KCNG2: variants seen among roughly 807,000 people sequenced by gnomAD.
The protein encoded by KCNG2 is voltage-gated potassium channel regulatory subunit KCNG2.
Under a neutral mutation model 12.3 loss-of-function variants are expected in KCNG2, and 7 were observed. The ratio of observed to expected loss-of-function variants is 0.57; its 90% CI spans 0.32 to 1.07. The LOEUF is 1.07. Ranked by LOEUF, KCNG2 falls within the 50% of genes least tolerant of loss-of-function variation. KCNG2 has a pLI of 0.04. For synonymous variants in KCNG2, 414 were observed against 351.4 expected (o/e 1.18, Z -1.99); for missense variants, 703 against 726.0 (o/e 0.97, Z 0.36).
intron 1 of KCNG2, among the ~76,000 whole-genome samples, chr18:79,849,422 C>G (rs1169447987): frequency 2.6e-5 from 4 of 152,202 alleles, no homozygotes; most frequent in African/African-American, 4.8e-5. Flanking sequence ...CCCATCTGAC[C>G]CCATCCTCTG....
chr18:79,848,566 A>C (rs940348877), intron 1 of KCNG2, among the ~76,000 whole-genome samples: 2 of 152,192 alleles, frequency 1.3e-5, no homozygotes, highest in African/African-American at 4.8e-5. Context: ...ACACGCGAAA[A>C]GACCCTGTTT....
At chr18:79,846,912 T>C (rs545730256) in intron 1 of KCNG2, among the ~76,000 whole-genome samples, 4 of 152,312 alleles carry the variant, frequency 2.6e-5, no homozygotes, top group African/African-American at 9.6e-5. Flanking sequence ...ATAGTCTTCC[T>C]GAAAGGTGTG....
chr18:79,867,528 G>C (rs867727673), intron 3 of KCNG2, among the ~76,000 whole-genome samples: 4 of 119,592 alleles, frequency 3.3e-5, no homozygotes, highest in Non-Finnish European at 7.1e-5. Flanking sequence ...GTCGTGTCTG[G>C]GGGGGGACCG....
chr18:79,833,425 G>A (rs1400207340), intron 1 of KCNG2, among the ~76,000 whole-genome samples: 1 of 152,238 alleles, frequency 6.6e-6, no homozygotes, highest in Non-Finnish European at 1.5e-5. Flanking sequence ...ATGGGCATGA[G>A]CCACTGTACC....
chr18:79,811,449 A>C (rs2087493609), intron 1 of KCNG2, among the ~76,000 whole-genome samples: 1 of 152,236 alleles, frequency 6.6e-6, no homozygotes, highest in Non-Finnish European at 1.5e-5. Context: ...TTTTGATGAG[A>C]GTGCCAAGAC....
intron 1 of KCNG2, among the ~76,000 whole-genome samples, chr18:79,848,272 G>A (rs1025367105): frequency 8.5e-5 from 13 of 152,186 alleles, no homozygotes; most frequent in Admixed American, 3.3e-4. Flanking sequence ...ACCCTAACCC[G>A]CTGCATTCGT....
intron 3 of KCNG2, among the ~76,000 whole-genome samples, chr18:79,893,419 G>A (rs1385287971): frequency 6.6e-6 from 1 of 150,694 alleles, no homozygotes; most frequent in African/African-American, 2.5e-5. Context: ...CATATAGTTG[G>A]GTCTGTGTCT....
intron 3 of KCNG2, among the ~76,000 whole-genome samples, chr18:79,898,821 T>C (rs1398445436): frequency 6.6e-6 from 1 of 152,282 alleles, no homozygotes; most frequent in African/African-American, 2.4e-5. Flanking sequence ...GCTAAGCGCA[T>C]CCGCTCTCAA....
chr18:79,851,230 A>G (rs988623151), intron 1 of KCNG2, among the ~76,000 whole-genome samples: 4 of 152,126 alleles, frequency 2.6e-5, no homozygotes, highest in South Asian at 2.1e-4. Flanking sequence ...TAAAGGATTG[A>G]TTTTCTTTAT....
chr18:79,836,013 C>G (rs1200175393), intron 1 of KCNG2, among the ~76,000 whole-genome samples: 4 of 152,108 alleles, frequency 2.6e-5, no homozygotes, highest in Non-Finnish European at 5.9e-5. Flanking sequence ...AGATTAAAGT[C>G]CTAACATACA....
Position 79,899,364 on chromosome 18 carries a change from C to A in KCNG2, c.949C>A (p.Arg317Ser). 6.4e-7 allele frequency: 1 copy of A among 1,553,962 alleles called. No individual in the cohort carries two copies. Among genetic ancestry groups the A allele is most frequent in the Non-Finnish European group, 8.6e-7 (1 of 1,156,370 alleles). ...GCGTTCGCTGGGCCTGACCATGCGC[C>A]GCTGCGCGCGCGAGTTCGGGCTGCT... Reference protein sequence around the residue: ...GLRSLGLTMRRCAREFGLLLL... With the variant: ...GLRSLGLTMRSCAREFGLLLL... The change falls in exon 4 of 4, where the codon CGC becomes AGC. Residue 317 changes from arginine to serine, a missense_variant. Arg to Ser is a moderately radical substitution (Grantham distance 110, BLOSUM62 -1). Coordinates refer to ENST00000316249, the MANE Select transcript of KCNG2 (RefSeq NM_012283.2).
At chr18:79,830,422 C>T (rs1978292189) in intron 1 of KCNG2, among the ~76,000 whole-genome samples, 5 of 152,246 alleles carry the variant, frequency 3.3e-5, no homozygotes, top group Non-Finnish European at 1.5e-5. Context: ...ATCATCTTTT[C>T]CAATTTAACT....
chr18:79,889,250 C>T (rs1049358430), intron 3 of KCNG2, among the ~76,000 whole-genome samples: 7 of 152,198 alleles, frequency 4.6e-5, no homozygotes, highest in Non-Finnish European at 8.8e-5. Flanking sequence ...CCCCAAGTCT[C>T]CTTCTAAAGT....
Position 79,899,230 on chromosome 18 carries a change from C to T in KCNG2, c.815C>T (p.Ala272Val). ...GTGTCGCTGCTGCTGGGGCTGGCGG[C>T]AGGCCCGGGCGGGACCAAGCTCCTG... ...FYVSLLLGLA[A>V]GPGGTKLLER... is the part of the protein sequence containing the mutation. The change falls in exon 4 of 4, where the codon GCA becomes GTA. Residue 272 changes from alanine (A) to valine (V), a missense_variant. Transcript: ENST00000316249. 2 of 1,599,160 alleles carry T rather than the reference C, an allele frequency of 1.3e-6. No individual in the cohort carries two copies. The highest frequency in any genetic ancestry group is 1.7e-6 in the Non-Finnish European group (2 of 1,178,504).
chr18:79,870,072 C>T (rs747442610), intron 3 of KCNG2, among the ~76,000 whole-genome samples: 107 of 152,328 alleles, frequency 7.0e-4, no homozygotes, highest in Non-Finnish European at 1.2e-3. Flanking sequence ...TCGTGCTCCC[C>T]ATTGCCCTCA....
At chr18:79,805,004 C>T (rs987020810) in intron 1 of KCNG2, among the ~76,000 whole-genome samples, 2 of 152,156 alleles carry the variant, frequency 1.3e-5, no homozygotes, top group Non-Finnish European at 2.9e-5. Flanking sequence ...GGTTATTTCA[C>T]ATCATATTAT....
At chr18:79,862,629 T>C (rs896030584) in intron 2 of KCNG2, among the ~76,000 whole-genome samples, 12 of 152,236 alleles carry the variant, frequency 7.9e-5, no homozygotes, top group African/African-American at 2.7e-4. Flanking sequence ...CTTAGAACTT[T>C]ATCAGGCCTT....
At chr18:79,811,824 T>G (rs1416866422) in intron 1 of KCNG2, among the ~76,000 whole-genome samples, 1 of 151,816 alleles carries the variant, frequency 6.6e-6, no homozygotes, top group Admixed American at 6.6e-5. Flanking sequence ...ATAACAACAG[T>G]TTTTTAAACT....
chr18:79,873,424 C>G lies in KCNG2; in HGVS notation c.624+9133C>G, dbSNP rs1028312538. Among the ~76,000 whole-genome samples the G allele has an allele frequency of 6.0e-5, 8 of 132,416 alleles. 1 individual carries two copies. Among genetic ancestry groups the G allele is most frequent in the Admixed American group, 1.5e-4 (2 of 13,560 alleles). The allele number at this position is 132,416 out of a possible 152,430, so 86.9% of individuals were successfully genotyped here. On this transcript the variant is annotated intron_variant, in intron 3 of 3. Transcript: ENST00000316249. ...CACGGGTGCCGCTCCTGCCGGCCCCCCTCCCCCCCCCCCAGCCACCTCCTG... is the reference window on the plus strand; with the variant it reads ...CACGGGTGCCGCTCCTGCCGGCCCCGCTCCCCCCCCCCCAGCCACCTCCTG...
Sources: gnomAD v4.1 joint callset for allele counts (sites outside exome capture counted in the v4.1 genomes callset) on GRCh38, gnomAD v4.1.1 for gene constraint, MANE v1.5 for transcripts, NCBI Gene and HGNC (gene_info 2026-07-23, HGNC 2026-07-21) for gene names.